Variants in KIF26B observed in about 807,000 individuals in gnomAD.
The protein encoded by KIF26B is kinesin family member 26B.
Under a neutral mutation model 151.2 loss-of-function variants are expected in KIF26B, and 63 were observed. The ratio of observed to expected loss-of-function variants is 0.42; its 90% confidence interval spans 0.34 to 0.51. KIF26B has a LOEUF of 0.51. Ranked by LOEUF, KIF26B falls within the 20% of genes least tolerant of loss-of-function variation. The probability of loss-of-function intolerance (pLI) is 0.07; values close to 1 mark genes in which losing one functional copy is unlikely to be tolerated. For synonymous variants in KIF26B, 1,357 were observed against 1,262.1 expected (o/e 1.08, Z -1.59); for missense variants, 2,813 against 2,913.6 (o/e 0.97, Z 0.79).
At chr1:245,348,336 C>T (rs547169486) in intron 2 of KIF26B, among the ~76,000 whole-genome samples, 6 of 152,126 alleles carry the variant, frequency 3.9e-5, no homozygotes, top group Non-Finnish European at 8.8e-5. Flanking sequence ...CTAGCCTGGA[C>T]CTTGACCCTG....
intron 2 of KIF26B, among the ~76,000 whole-genome samples, chr1:245,257,263 C>T (rs1232594491): frequency 6.6e-6 from 1 of 152,140 alleles, no homozygotes; most frequent in African/African-American, 2.4e-5. Flanking sequence ...ATTGATTGAC[C>T]TCTTGTGTTT....
At chr1:245,471,828 G>C (rs552317430) in intron 4 of KIF26B, among the ~76,000 whole-genome samples, 2 of 147,812 alleles carry the variant, frequency 1.4e-5, no homozygotes, top group Admixed American at 1.4e-4. Flanking sequence ...TTTTGCTCTT[G>C]TCTCCCAGGC....
chr1:245,565,061 C>T (rs1396570210), intron 5 of KIF26B, among the ~76,000 whole-genome samples: 1 of 152,084 alleles, frequency 6.6e-6, no homozygotes, highest in Non-Finnish European at 1.5e-5. Flanking sequence ...CACTTGAGCC[C>T]AGGAGTTCAA....
At chr1:245,427,537 G>A (rs1392362710) in intron 4 of KIF26B, among the ~76,000 whole-genome samples, 1 of 152,186 alleles carries the variant, frequency 6.6e-6, no homozygotes, top group East Asian at 1.9e-4. Context: ...GAACCCGGGA[G>A]GTGGAGGTTG....
chr1:245,214,964 G>A (rs919063638), intron 2 of KIF26B, among the ~76,000 whole-genome samples: 16 of 152,276 alleles, frequency 1.1e-4, no homozygotes, highest in Non-Finnish European at 1.5e-4. Context: ...TTGGGAGATC[G>A]GCTGAATGAG....
intron 4 of KIF26B, among the ~76,000 whole-genome samples, chr1:245,427,705 A>T (rs1044501169): frequency 6.6e-6 from 1 of 152,086 alleles, no homozygotes; most frequent in Non-Finnish European, 1.5e-5. Flanking sequence ...TTTTGTTTTC[A>T]CTGAAGCATA....
At chr1:245,249,693 G>A (rs1001878916) in intron 2 of KIF26B, among the ~76,000 whole-genome samples, 4 of 152,084 alleles carry the variant, frequency 2.6e-5, no homozygotes, top group Non-Finnish European at 5.9e-5. Context: ...ATGGTGGCCA[G>A]GCTGGTCTGG....
intron 2 of KIF26B, among the ~76,000 whole-genome samples, chr1:245,350,765 C>G (rs926929957): frequency 1.3e-5 from 2 of 152,226 alleles, no homozygotes; most frequent in Admixed American, 6.5e-5. Flanking sequence ...CAGACCTGCC[C>G]GAGAGGGGAC....
chr1:245,187,583 T>G (rs7537950), intron 2 of KIF26B, among the ~76,000 whole-genome samples: 115,286 of 152,136 alleles, frequency 0.76, 44,454 homozygotes, highest in East Asian at 0.89. Flanking sequence ...TTTAACCAGC[T>G]TGAGAGACAG....
intron 2 of KIF26B, among the ~76,000 whole-genome samples, chr1:245,346,258 A>G (rs920127698): frequency 6.6e-6 from 1 of 151,916 alleles, no homozygotes; most frequent in African/African-American, 2.4e-5. Context: ...GTATTTTTTT[A>G]TAGCAATGCA....
At chr1:245,450,175 G>C (rs185500649) in intron 4 of KIF26B, among the ~76,000 whole-genome samples, 1 of 152,066 alleles carries the variant, frequency 6.6e-6, no homozygotes, top group Non-Finnish European at 1.5e-5. Flanking sequence ...GCCTGGACTC[G>C]GTATTTTGGG....
chr1:245,443,821 C>T (rs1659181159), intron 4 of KIF26B, among the ~76,000 whole-genome samples: 1 of 67,754 alleles, frequency 1.5e-5, no homozygotes, highest in Non-Finnish European at 3.1e-5. Flanking sequence ...GGTCATCTCC[C>T]TCACTGTTCA....
chr1:245,447,863 C>G (rs527544178), intron 4 of KIF26B, among the ~76,000 whole-genome samples: 97 of 152,238 alleles, frequency 6.4e-4, no homozygotes, highest in African/African-American at 2.2e-3. Context: ...CTTGAGCTGC[C>G]ACTCTCAGCA....
chr1:245,377,333 C>T (rs967484361), intron 3 of KIF26B, among the ~76,000 whole-genome samples: 2 of 152,206 alleles, frequency 1.3e-5, no homozygotes, highest in Non-Finnish European at 2.9e-5. Context: ...CCTTCCTCGC[C>T]CTTCTGTTGG....
chr1:245,334,022 G>A (rs914048618), intron 2 of KIF26B, among the ~76,000 whole-genome samples: 3 of 151,960 alleles, frequency 2.0e-5, no homozygotes, highest in Non-Finnish European at 2.9e-5. Flanking sequence ...TCTCCTCTAC[G>A]AGTGGATGTC....
At chr1:245,477,905 G>C (rs1199262503) in intron 4 of KIF26B, among the ~76,000 whole-genome samples, 1 of 151,604 alleles carries the variant, frequency 6.6e-6, no homozygotes, top group African/African-American at 2.4e-5. Context: ...ATAATTTACT[G>C]GTTTTTAGTC....
intron 2 of KIF26B, among the ~76,000 whole-genome samples, chr1:245,347,538 T>C (rs1672479600): frequency 1.3e-5 from 2 of 152,118 alleles, no homozygotes; most frequent in African/African-American, 4.8e-5. Context: ...TCCAGGCTGG[T>C]CTTGAACTCC....
chr1:245,430,708 C>T (rs1047913891), intron 4 of KIF26B, among the ~76,000 whole-genome samples: 5 of 152,072 alleles, frequency 3.3e-5, no homozygotes. Context: ...TTTTTGAGGG[C>T]TTCTTATATG....
At chr1:245,222,095 G>A (rs114281534) in intron 2 of KIF26B, among the ~76,000 whole-genome samples, 279 of 152,270 alleles carry the variant, frequency 1.8e-3, no homozygotes, top group Middle Eastern at 6.8e-3. Context: ...ACGTTGTCAT[G>A]GTTAAGAAAT....
Sources: gnomAD v4.1 joint callset for allele counts (sites outside exome capture counted in the v4.1 genomes callset) on GRCh38, gnomAD v4.1.1 for gene constraint, MANE v1.5 for transcripts, NCBI Gene and HGNC (gene_info 2026-07-23, HGNC 2026-07-21) for gene names.